Variants in TENM1 observed in about 807,000 individuals in gnomAD.
The protein encoded by TENM1 is teneurin transmembrane protein 1.
In TENM1, 35 loss-of-function variants were observed where a neutral mutation model predicts 174.8. The observed-to-expected ratio is 0.20, with a 90% CI of 0.15 to 0.27. TENM1 has a LOEUF of 0.27. TENM1 is among the 10% of genes least tolerant of loss of function. The probability of loss-of-function intolerance (pLI) is 1.00; values close to 1 mark genes in which losing one functional copy is unlikely to be tolerated. For synonymous variants in TENM1, 781 were observed against 798.7 expected (o/e 0.98, Z 0.37); for missense variants, 1,633 against 2,130.1 (o/e 0.77, Z 4.59).
exon 2 of TENM1, chrX:124,896,163 T>C: frequency 8.3e-7 from 1 of 1,211,472 alleles, no homozygotes; most frequent in Non-Finnish European, 1.1e-6. Flanking sequence ...CTCTAGCTGG[T>C]AGCCATGCCG....
At chrX:124,627,396 G>A (rs1022443389) in intron 11 of TENM1, among the ~76,000 whole-genome samples, 3 of 112,077 alleles carry the variant, frequency 2.7e-5, no homozygotes, top group South Asian at 3.7e-4. Flanking sequence ...TCAGAGTCAA[G>A]TCTATATATG....
At chrX:124,852,063 G>A (rs1460879878) in intron 3 of TENM1, among the ~76,000 whole-genome samples, 4 of 111,167 alleles carry the variant, frequency 3.6e-5, no homozygotes, top group Non-Finnish European at 7.6e-5. Context: ...TTGACATTCT[G>A]GGTAAAAGAA....
the TENM1 span, among the ~76,000 whole-genome samples, chrX:125,199,365 C>A: frequency 1.3e-3 from 142 of 112,059 alleles, no homozygotes; most frequent in Non-Finnish European, 4.9e-4. Flanking sequence ...TATAAAGGCT[C>A]CCAGGTAAGA....
chrX:125,079,660 T>A, the TENM1 span, among the ~76,000 whole-genome samples: 10 of 111,775 alleles, frequency 8.9e-5, no homozygotes, highest in East Asian at 2.8e-3. Flanking sequence ...ATTTCTCCAT[T>A]GTCCTATCCA....
the TENM1 span, among the ~76,000 whole-genome samples, chrX:125,079,592 C>A: frequency 9.0e-6 from 1 of 111,385 alleles, no homozygotes; most frequent in African/African-American, 3.3e-5. Flanking sequence ...TATGTTCTGC[C>A]ACAAACATTT....
chrX:125,196,837 T>G, the TENM1 span, among the ~76,000 whole-genome samples: 5 of 111,815 alleles, frequency 4.5e-5, no homozygotes, highest in African/African-American at 9.7e-5. Context: ...TAATTTTAAA[T>G]GTACCTGAAA....
chrX:124,543,815 G>GTT (rs2048372611), intron 15 of TENM1, among the ~76,000 whole-genome samples: 1 of 112,363 alleles, frequency 8.9e-6, no homozygotes, highest in Non-Finnish European at 1.9e-5. Flanking sequence ...TCACATTGTT[G>GTT]TTACACCATC....
chrX:124,432,780 C>T (rs1418294079), intron 23 of TENM1, among the ~76,000 whole-genome samples: 1 of 111,550 alleles, frequency 9.0e-6, no homozygotes, highest in Middle Eastern at 4.7e-3. Context: ...ACATTCCAGC[C>T]TTATTTGCAA....
chrX:124,493,794 T>G (rs1344066595), intron 20 of TENM1, among the ~76,000 whole-genome samples: 2 of 111,548 alleles, frequency 1.8e-5, no homozygotes, highest in African/African-American at 3.3e-5. Context: ...CTGAGGTACA[T>G]GAACACTTGA....
the TENM1 span, among the ~76,000 whole-genome samples, chrX:124,973,918 T>C: frequency 9.0e-6 from 1 of 111,452 alleles, no homozygotes; most frequent in African/African-American, 3.3e-5. Flanking sequence ...TGAGAACACA[T>C]GGACACAGGG....
intron 5 of TENM1, among the ~76,000 whole-genome samples, chrX:124,698,437 T>C (rs145984215): frequency 0.012 from 1,305 of 111,042 alleles, 18 homozygotes; most frequent in African/African-American, 0.04. Flanking sequence ...CTCCATTCCA[T>C]CTCCTCCTTC....
intron 3 of TENM1, among the ~76,000 whole-genome samples, chrX:124,806,374 A>G (rs1419812582): frequency 4.5e-5 from 5 of 112,133 alleles, no homozygotes; most frequent in African/African-American, 1.6e-4. Flanking sequence ...TGGAGAGAAG[A>G]AAGATAGAAG....
the TENM1 span, among the ~76,000 whole-genome samples, chrX:125,169,632 A>G: frequency 2.7e-5 from 3 of 111,552 alleles, no homozygotes; most frequent in Admixed American, 2.9e-4. Flanking sequence ...AATTCTTTCA[A>G]TAGCTAAGTT....
At chrX:124,453,999 A>G (rs1569532474) in intron 22 of TENM1, among the ~76,000 whole-genome samples, 1 of 111,564 alleles carries the variant, frequency 9.0e-6, no homozygotes, top group Non-Finnish European at 1.9e-5. Flanking sequence ...TTTTCTCCAT[A>G]TTATCTATTA....
the TENM1 span, among the ~76,000 whole-genome samples, chrX:125,108,290 C>A: frequency 1.8e-5 from 2 of 111,952 alleles, no homozygotes; most frequent in Non-Finnish European, 3.8e-5. Flanking sequence ...ATTGACTCTG[C>A]GGTCCTATAG....
At position 124,691,323 on chromosome X, in the gene TENM1, G is replaced by A. The variant is rs766353965; in HGVS notation, c.1015+13690C>T. Among the ~76,000 whole-genome samples, 7 of 111,010 alleles carry A rather than the reference G, an allele frequency of 6.3e-5. No individual in the cohort carries two copies. The East Asian group carries it at 2.0e-3, about 31-fold the overall frequency. ...AGACAAAGAAAAGAAAAAGAAAATGGAAAAAAAGGCAAGAGATATGAGCAC... is the reference window on the plus strand; with the variant it reads ...AGACAAAGAAAAGAAAAAGAAAATGAAAAAAAAGGCAAGAGATATGAGCAC... On this transcript the variant is annotated intron_variant, in intron 5 of 31. Coordinates refer to ENST00000422452, the Ensembl canonical transcript of TENM1.
intron 8 of TENM1, among the ~76,000 whole-genome samples, 169 bp downstream of exon 11, chrX:124,651,745 A>C (rs1453152692): frequency 9.0e-6 from 1 of 111,605 alleles, no homozygotes; most frequent in Non-Finnish European, 1.9e-5. Context: ...CATTTAAACA[A>C]CATCAATGAT....
chrX:124,822,357 G>A (rs765303095), intron 3 of TENM1, among the ~76,000 whole-genome samples: 29 of 112,133 alleles, frequency 2.6e-4, no homozygotes, highest in African/African-American at 7.1e-4. Context: ...GTGTCATTTC[G>A]TTACAGCAAC....
At chrX:124,914,534 C>A (rs1446949141) in intron 1 of TENM1, among the ~76,000 whole-genome samples, 1 of 111,960 alleles carries the variant, frequency 8.9e-6, no homozygotes, top group African/African-American at 3.2e-5. Flanking sequence ...AGACGCCTTA[C>A]ATTTTTAAAA....
Sources: gnomAD v4.1 joint callset for allele counts (sites outside exome capture counted in the v4.1 genomes callset) on GRCh38, gnomAD v4.1.1 for gene constraint, MANE v1.5 for transcripts, NCBI Gene and HGNC (gene_info 2026-07-23, HGNC 2026-07-21) for gene names.